The following CCT2 variants were observed in gnomAD, a reference collection of about 807,000 sequenced individuals.
CCT2 encodes chaperonin containing TCP1 subunit 2.
Under a neutral mutation model 61.8 loss-of-function variants are expected in CCT2, and 18 were observed. The ratio of observed to expected loss-of-function variants is 0.29; its 90% CI spans 0.20 to 0.43. The LOEUF is 0.43. CCT2 is among the 20% of genes least tolerant of loss of function. The pLI is 1.00. For synonymous variants in CCT2, 248 were observed against 215.9 expected (o/e 1.15, Z -1.30); for missense variants, 556 against 656.9 (o/e 0.85, Z 1.68).
chr12:69,588,097 G>GA, intron 5 of CCT2, 53 bp from the exon 6 acceptor site: 1 of 1,527,638 alleles, frequency 6.5e-7, no homozygotes, highest in Non-Finnish European at 9.1e-7. Context: ...TACTATTGAG[G>GA]AGTGCTTAAT....
At chr12:69,598,109 T>G (rs1487838702) in intron 13 of CCT2, 38 bp downstream of exon 13, 8 of 1,445,002 alleles carry the variant, frequency 5.5e-6, no homozygotes, top group Non-Finnish European at 7.8e-6. Context: ...ACTTAAGTTT[T>G]GTGGTTATTG....
chr12:69,594,563 G>T (rs979402006), intron 10 of CCT2, among the ~76,000 whole-genome samples: 3 of 152,152 alleles, frequency 2.0e-5, no homozygotes, highest in African/African-American at 7.2e-5. Context: ...ACATCACAAT[G>T]ACATGAGTTC....
At chr12:69,597,405 T>A in intron 11 of CCT2, 130 bp downstream of exon 11, 1 of 1,214,888 alleles carries the variant, frequency 8.2e-7, no homozygotes, top group Non-Finnish European at 1.2e-6. Context: ...GATACATACT[T>A]TGTTTCAGTC....
intron 10 of CCT2, among the ~76,000 whole-genome samples, chr12:69,596,735 T>C (rs1882004257): frequency 6.6e-6 from 1 of 152,216 alleles, no homozygotes; most frequent in South Asian, 2.1e-4. Context: ...GTCTTATAGG[T>C]TGGATTCAGA....
At chr12:69,595,501 A>G (rs558622364) in intron 10 of CCT2, among the ~76,000 whole-genome samples, 1 of 152,240 alleles carries the variant, frequency 6.6e-6, no homozygotes, top group African/African-American at 2.4e-5. Context: ...CAGCCTGGTC[A>G]ATATGGTGAA....
rs558771848 is a variant in CCT2, at chr12:69,598,013, A to G, written c.1277A>G (p.Asn426Ser). Residue 426 changes from asparagine to serine, a missense_variant, in exon 13 of 16, where the codon AAT (asparagine) becomes AGT (serine). Coordinates refer to ENST00000299300, the MANE Select transcript of CCT2 (RefSeq NM_006431.3). Reference sequence around the variant, plus strand: ...GCTCATGCTGTGACACAGCTTGCCAATAGAACACCAGGCAAAGAAGCTGTT... The same window carrying G: ...GCTCATGCTGTGACACAGCTTGCCAGTAGAACACCAGGCAAAGAAGCTGTT... Reference protein sequence around the residue: ...LMAHAVTQLANRTPGKEAVAM... With the variant: ...LMAHAVTQLASRTPGKEAVAM... 35 of 1,614,082 alleles carry G rather than the reference A, an allele frequency of 2.2e-5. No individual in the cohort carries two copies. In the East Asian group the frequency reaches 3.6e-4, roughly 16 times the overall value.
At chr12:69,590,798 C>A (rs1881813384) in intron 7 of CCT2, among the ~76,000 whole-genome samples, 2 of 151,200 alleles carry the variant, frequency 1.3e-5, no homozygotes, top group Middle Eastern at 3.4e-3. Flanking sequence ...CTCACTGCAA[C>A]CACTGCCTCC....
At chr12:69,592,548 C>G (rs1328995615) in intron 8 of CCT2, 1 of 176,320 alleles carries the variant, frequency 5.7e-6, no homozygotes, top group Admixed American at 5.7e-5. Context: ...CACTAAAAAG[C>G]TTGGAATAGG....
intron 4 of CCT2, 37 bp from the exon 5 acceptor site, chr12:69,587,893 A>C (rs766878966): frequency 1.8e-5 from 26 of 1,479,100 alleles, no homozygotes; most frequent in Non-Finnish European, 2.5e-5. Context: ...GTAAGCAAAG[A>C]AGCAATTTTG....
intron 10 of CCT2, among the ~76,000 whole-genome samples, chr12:69,594,846 T>TA (rs67999092): frequency 0.04 from 5,564 of 140,252 alleles, 318 homozygotes; most frequent in African/African-American, 0.13. Context: ...ACCCTGTCTT[T>TA]AAAAAAAAAA....
In CCT2 at chr12:69,585,497, C is replaced by G. The variant is rs1364419023; in HGVS notation, c.-25C>G. 3 of 1,563,628 alleles carry G rather than the reference C, an allele frequency of 1.9e-6. No homozygotes were observed. The highest frequency in any genetic ancestry group is 2.6e-6 in the Non-Finnish European group (3 of 1,153,050). On this transcript the variant is annotated 5_prime_UTR_variant, in exon 1 of 16. Transcript: ENST00000299300. ...CGAGCACGAGCTGTGAGGGGATTCACTTGTGTGCGGAACTCCTCGGAACCA... is the reference window on the plus strand; with the variant it reads ...CGAGCACGAGCTGTGAGGGGATTCAGTTGTGTGCGGAACTCCTCGGAACCA...
Position 69,601,358 on chromosome 12 carries a change from T to A in CCT2, c.*33T>A. The A allele has an allele frequency of 1.2e-6, 2 of 1,614,038 alleles. No homozygotes were observed. The highest frequency in any genetic ancestry group is 1.7e-6 in the Non-Finnish European group (2 of 1,179,952). ...CACGTGCTGTCGATCTTTGGACCAG[T>A]TTCTAGCAAAGTTGTGTTTGAAAGA... On this transcript the variant is annotated 3_prime_UTR_variant, in exon 16 of 16. Coordinates refer to ENST00000299300, the MANE Select transcript of CCT2 (RefSeq NM_006431.3).
intron 8 of CCT2, chr12:69,592,376 G>A (rs1881859994): frequency 3.8e-6 from 1 of 259,944 alleles, no homozygotes; most frequent in East Asian, 7.7e-5. Flanking sequence ...CCAGCTATTC[G>A]GGAGGCTGAG....
chr12:69,587,638 C>G (rs1210968896), intron 4 of CCT2, 22 bp downstream of exon 4: 2 of 1,386,288 alleles, frequency 1.4e-6, no homozygotes, highest in Admixed American at 3.4e-5. Context: ...TATACTTTTT[C>G]ACCAACCTAA....
chr12:69,600,581 C>G (rs1882119992), intron 15 of CCT2, among the ~76,000 whole-genome samples: 1 of 87,788 alleles, frequency 1.1e-5, no homozygotes, highest in African/African-American at 4.1e-5. Flanking sequence ...CCTTATTAAT[C>G]TCCAGAAGAC....
Position 69,586,129 on chromosome 12 carries a change from T to C in CCT2, c.4-141T>C, listed in dbSNP as rs878917179. The C allele has an allele frequency of 1.3e-4, 144 of 1,121,068 alleles. No homozygotes were observed. The South Asian group carries it at 1.5e-3, about 12-fold the overall frequency. 69.4% of individuals were successfully genotyped at this position (1,121,068 alleles called of 1,614,324 possible). On this transcript the variant is annotated intron_variant, in intron 1 of 15. Coordinates refer to ENST00000299300, the MANE Select transcript of CCT2 (RefSeq NM_006431.3). ...CCCACTTAAATGCTTTCTCCGATGA[T>C]GGAAGCTTCATTTGATTGAAAACAT... is the stretch of plus-strand genomic sequence containing the variant.
At chr12:69,592,797 G>A (rs1393510691) in intron 8 of CCT2, 179 bp from the exon 9 acceptor site, 15 of 456,400 alleles carry the variant, frequency 3.3e-5, no homozygotes, top group African/African-American at 2.2e-4. Context: ...GTGTGGTGGC[G>A]CACACCTGTA....
At chr12:69,599,804 A>G in intron 14 of CCT2, 59 bp from the exon 15 acceptor site, 1 of 1,347,550 alleles carries the variant, frequency 7.4e-7, no homozygotes, top group Non-Finnish European at 1.0e-6. Flanking sequence ...ATAAATCATT[A>G]GAGATGTTTT....
intron 1 of CCT2, 34 bp downstream of exon 1, chr12:69,585,558 C>G (rs748237416): frequency 1.3e-6 from 2 of 1,566,898 alleles, no homozygotes; most frequent in Non-Finnish European, 1.7e-6. Flanking sequence ...TGCCCTACCC[C>G]TGCTCCGCCG....
Sources: allele counts gnomAD v4.1 joint callset (sites outside exome capture counted in the v4.1 genomes callset), GRCh38; gene constraint gnomAD v4.1.1; transcripts MANE v1.5; gene names NCBI Gene and HGNC (gene_info 2026-07-23, HGNC 2026-07-21).